Variants in DIXDC1 observed in about 807,000 individuals in gnomAD.
DIXDC1 encodes dixin.
Under a neutral mutation model 103.1 loss-of-function variants are expected in DIXDC1, and 64 were observed. The ratio of observed to expected loss-of-function variants is 0.62; its 90% CI spans 0.51 to 0.76. The LOEUF is 0.76. Ranked by LOEUF, DIXDC1 falls within the 30% of genes least tolerant of loss-of-function variation. The pLI, the probability that DIXDC1 is intolerant of heterozygous loss-of-function variation, is 0.00. For synonymous variants in DIXDC1, 266 were observed against 298.5 expected (o/e 0.89, Z 1.12); for missense variants, 759 against 834.2 (o/e 0.91, Z 1.11).
chr11:111,947,347 A>C (rs1365334215), intron 1 of DIXDC1, among the ~76,000 whole-genome samples: 1 of 152,242 alleles, frequency 6.6e-6, no homozygotes, highest in Non-Finnish European at 1.5e-5. Context: ...TAAAAGGCAT[A>C]TGGTATTTCA....
Position 111,995,023 on chromosome 11 carries a change from C to T in DIXDC1, c.1442C>T (p.Thr481Ile). ...HCMKREADEA[T>I]NYNSHNSQSN... is the part of the protein sequence containing the mutation. The stretch of plus-strand genomic sequence containing the variant: ...CATTTCTTCATGCTGCTGTAGGCGA[C>T]CAACTACAACAGTCACAACTCTCAA... The change falls in exon 15 of 20, where the codon ACC becomes ATC. Residue 481 changes from threonine (T) to isoleucine (I), a missense_variant. Thr to Ile is a moderately conservative substitution (Grantham distance 89, BLOSUM62 -1). Around this residue, in one of 3 missense-constraint regions of DIXDC1, gnomAD observed 657 missense variants for 727.5 expected, o/e 0.90. Coordinates refer to ENST00000440460, the MANE Select transcript of DIXDC1 (RefSeq NM_001037954.4). 1.9e-6 allele frequency: 3 copies of T among 1,613,348 alleles called. No homozygotes were observed. Among genetic ancestry groups the T allele is most frequent in the Non-Finnish European group, 2.5e-6 (3 of 1,179,806 alleles).
chr11:111,940,920 CAT>C (rs1566458028), intron 1 of DIXDC1, among the ~76,000 whole-genome samples: 1 of 152,156 alleles, frequency 6.6e-6, no homozygotes, highest in Non-Finnish European at 1.5e-5. Flanking sequence ...AGTCCAATAA[CAT>C]AGAGTCTGTG....
chr11:111,952,046 A>T (rs1198029035), intron 1 of DIXDC1, among the ~76,000 whole-genome samples: 2 of 151,964 alleles, frequency 1.3e-5, no homozygotes, highest in Non-Finnish European at 2.9e-5. Flanking sequence ...TTGTATTTTT[A>T]GTACAGATGG....
intron 1 of DIXDC1, among the ~76,000 whole-genome samples, chr11:111,929,535 A>G (rs1417406061): frequency 1.3e-5 from 2 of 149,388 alleles, no homozygotes; most frequent in African/African-American, 4.9e-5. Context: ...GTGAGTTATG[A>G]CAGTGCCAGT....
At chr11:111,946,241 T>C (rs1458301567) in intron 1 of DIXDC1, among the ~76,000 whole-genome samples, 4 of 152,106 alleles carry the variant, frequency 2.6e-5, no homozygotes, top group African/African-American at 7.2e-5. Flanking sequence ...CCCTAGTAGC[T>C]GGGACCACAG....
At chr11:111,928,401 T>C (rs1278539200) in intron 1 of DIXDC1, 1 of 148,022 alleles carries the variant, frequency 6.8e-6, no homozygotes, top group Admixed American at 6.8e-5. Flanking sequence ...AATACAAAAA[T>C]TAATGGCCAT....
At position 111,977,580 on chromosome 11, in the gene DIXDC1, A is replaced by ACGC. The variant is rs782303577; in HGVS notation, c.656+2612_656+2614dup. The ACGC allele has an allele frequency of 3.7e-4, 559 of 1,498,644 alleles. 1 individual carries two copies. Among genetic ancestry groups the ACGC allele is most frequent in the South Asian group, 2.0e-3 (154 of 76,452 alleles). The allele number at this position is 1,498,644 out of a possible 1,614,324, so 92.8% of individuals were successfully genotyped here. ...GAGCATCCCAGTCGCTGGGGCCGAG[A>ACGC]CGCCGCCGCCGCCGCCGTTCCCGCT... is the stretch of plus-strand genomic sequence containing the variant. On this transcript the variant is annotated intron_variant, in intron 5 of 19. Transcript: ENST00000440460. The surrounding 1 kb of genome is among the most constrained non-coding windows in gnomAD (Gnocchi z 6.1).
chr11:111,980,695 T>C (rs1860267526), intron 5 of DIXDC1, 42 bp from the exon 6 acceptor site: 5 of 1,526,772 alleles, frequency 3.3e-6, no homozygotes, highest in Non-Finnish European at 4.5e-6. Context: ...TCTGAACAAC[T>C]CTTCATAATA....
At position 112,017,663 on chromosome 11, in the gene DIXDC1, C is replaced by A; in HGVS notation, c.1863-114C>A. ...CTGGGTTATCGGGGCAGTGACCTAA[C>A]AAGGGGCTATTTCTGCTTATTGACT... On this transcript the variant is annotated intron_variant, in intron 18 of 19. Coordinates refer to ENST00000440460, the MANE Select transcript of DIXDC1 (RefSeq NM_001037954.4). The surrounding 1 kb of genome is among the most constrained non-coding windows in gnomAD (Gnocchi z 4.0). 2.6e-6 allele frequency: 2 copies of A among 783,592 alleles called. No homozygotes were observed. The highest frequency in any genetic ancestry group is 4.1e-6 in the Non-Finnish European group (2 of 482,876). 48.5% of individuals were successfully genotyped at this position (783,592 alleles called of 1,614,324 possible). A position where few individuals can be genotyped will look rare whatever the true frequency, so the allele number is the denominator to read the frequency against.
At position 111,937,495 on chromosome 11, in the gene DIXDC1, G is replaced by A; in HGVS notation, c.-5G>A. On this transcript the variant is annotated 5_prime_UTR_variant, in exon 1 of 20. Transcript: ENST00000440460. ...ACCCCGCCCGGGGAGCCCCCAGCAG[G>A]AACAATGCTAGCCTGCCTGACCCGA... 6.3e-7 allele frequency: 1 copy of A among 1,583,798 alleles called. No homozygotes were observed. The highest frequency in any genetic ancestry group is 1.2e-5 in the South Asian group (1 of 86,424).
intron 17 of DIXDC1, among the ~76,000 whole-genome samples, chr11:112,006,610 C>T (rs1861246722): frequency 6.6e-6 from 1 of 152,216 alleles, no homozygotes; most frequent in South Asian, 2.1e-4. Context: ...GCAATATTTG[C>T]TGTTCTGCAA....
rs1473383003 is a variant in DIXDC1, at chr11:111,946,177, C to T, written c.60+8618C>T. On this transcript the variant is annotated intron_variant, in intron 1 of 19. Transcript: ENST00000440460. ...AGGCCGGACTGCAGTGGTGCGATCTCGGCTCACTGCAAGCTCCGCCTCCTG... is the reference window on the plus strand; with the variant it reads ...AGGCCGGACTGCAGTGGTGCGATCTTGGCTCACTGCAAGCTCCGCCTCCTG... 8.1e-5 allele frequency among the ~76,000 whole-genome samples: 12 copies of T among 147,586 alleles called. No individual in the cohort carries two copies. In the East Asian group the frequency reaches 1.0e-3, roughly 12 times the overall value.
chr11:111,975,208 T>G, intron 5 of DIXDC1: 1 of 1,339,722 alleles, frequency 7.5e-7, no homozygotes, highest in Non-Finnish European at 9.6e-7. Context: ...ATCTGTGCAG[T>G]CCCAGTGCCA....
chr11:111,983,205 T>C (rs1418393075), intron 7 of DIXDC1, among the ~76,000 whole-genome samples: 1 of 152,230 alleles, frequency 6.6e-6, no homozygotes, highest in East Asian at 1.9e-4. Context: ...TGCTGGGAAC[T>C]GCAGTGCTTC....
At chr11:112,014,085 G>A (rs1321699222) in intron 17 of DIXDC1, among the ~76,000 whole-genome samples, 1 of 152,068 alleles carries the variant, frequency 6.6e-6, no homozygotes, top group Non-Finnish European at 1.5e-5. Context: ...CTGCCTCCAT[G>A]ACCCAAACAC....
chr11:111,972,465 C>T (rs1235526391), intron 3 of DIXDC1, among the ~76,000 whole-genome samples: 3 of 152,126 alleles, frequency 2.0e-5, no homozygotes, highest in African/African-American at 7.2e-5. Flanking sequence ...TTTTTGTCCC[C>T]TTCTCATCTG....
intron 17 of DIXDC1, among the ~76,000 whole-genome samples, chr11:112,007,364 C>A (rs958994141): frequency 3.9e-5 from 6 of 152,130 alleles, no homozygotes; most frequent in African/African-American, 1.2e-4. Context: ...GAGAATGGAA[C>A]CAAGTTGGAA....
chr11:111,977,398 T>G lies in DIXDC1; in HGVS notation c.656+2415T>G. ...AGCCTCCCTCCCAGTGGGAGATGGG[T>G]TGAGATGCCCCCGCCAGGGGGGATG... On this transcript the variant is annotated intron_variant, in intron 5 of 19. Coordinates refer to ENST00000440460, the MANE Select transcript of DIXDC1 (RefSeq NM_001037954.4). This position sits in a 1 kb window ranked among gnomAD's most constrained non-coding sequence, Gnocchi z 6.1. The G allele has an allele frequency of 9.0e-7, 1 of 1,115,838 alleles. No homozygotes were observed. The highest frequency in any genetic ancestry group is 1.1e-6 in the Non-Finnish European group (1 of 912,026). The allele number at this position is 1,115,838 out of a possible 1,614,324, so 69.1% of individuals were successfully genotyped here.
rs1029676588 is a variant in DIXDC1, at chr11:111,958,165, G to A, written c.61-6384G>A. On this transcript the variant is annotated intron_variant, in intron 1 of 19. Transcript: ENST00000440460. This position sits in a 1 kb window ranked among gnomAD's most constrained non-coding sequence, Gnocchi z 4.2. ...TGGACCCAGGCATCCCTGTGCTCTT[G>A]TGGGCCAGAAGCAGGTAGGAGTCCC... is the stretch of plus-strand genomic sequence containing the variant. Among the ~76,000 whole-genome samples the A allele has an allele frequency of 2.0e-5, 3 of 150,822 alleles. No homozygotes were observed. Among genetic ancestry groups the A allele is most frequent in the Non-Finnish European group, 4.4e-5 (3 of 67,582 alleles).
Sources: allele counts gnomAD v4.1 joint callset (sites outside exome capture counted in the v4.1 genomes callset), GRCh38; gene constraint gnomAD v4.1.1; regional missense constraint gnomAD v4.1.1; non-coding constraint Gnocchi (gnomAD v3.1); transcripts MANE v1.5; gene names NCBI Gene and HGNC (gene_info 2026-07-23, HGNC 2026-07-21).